The following KDM4B variants were observed in gnomAD, a reference collection of about 807,000 sequenced individuals.
KDM4B encodes lysine-specific demethylase 4B.
In KDM4B, 32 loss-of-function variants were observed where a neutral mutation model predicts 125.2. The observed-to-expected ratio is 0.26, with a 90% confidence interval of 0.19 to 0.34. The LOEUF is 0.34. KDM4B is among the 10% of genes least tolerant of loss of function. The pLI is 1.00. For missense variants in KDM4B, 1,190 were observed against 1,577.7 expected (o/e 0.75, Z 4.16); for synonymous variants, 721 against 677.9 (o/e 1.06, Z -0.99).
intron 11 of KDM4B, among the ~76,000 whole-genome samples, chr19:5,127,298 A>G (rs1001515222): frequency 6.6e-6 from 1 of 152,136 alleles, no homozygotes; most frequent in Non-Finnish European, 1.5e-5. Context: ...CAGAGCCCCA[A>G]GGAATGGCCC....
chr19:5,106,178 G>A (rs2039029652), intron 9 of KDM4B, among the ~76,000 whole-genome samples: 1 of 152,196 alleles, frequency 6.6e-6, no homozygotes, highest in Non-Finnish European at 1.5e-5. Flanking sequence ...CATCTTGCCA[G>A]CGCACACCTC....
rs1017370971 is a variant in KDM4B at position 5,133,866 on chromosome 19, C to T, written c.1907-17C>T. 3 of 1,610,680 alleles carry T rather than the reference C, an allele frequency of 1.9e-6. No homozygotes were observed. The highest frequency in any genetic ancestry group is 2.5e-6 in the Non-Finnish European group (3 of 1,178,802). On this transcript the variant is annotated splice_polypyrimidine_tract_variant and intron_variant, in intron 13 of 22. Transcript: ENST00000159111. ...GGGGCTCAAGTGTCTCTCTCCCTCT[C>T]CCCTCTGTTCTTCTAGAGGCATCCC...
intron 9 of KDM4B, among the ~76,000 whole-genome samples, chr19:5,108,544 G>A (rs1018388451): frequency 2.6e-5 from 4 of 152,172 alleles, no homozygotes; most frequent in African/African-American, 9.6e-5. Context: ...CCCCAACCCC[G>A]TCAGATTTGG....
At chr19:5,150,826 C>T (rs113376295) in intron 22 of KDM4B, among the ~76,000 whole-genome samples, 23 of 152,184 alleles carry the variant, frequency 1.5e-4, no homozygotes, top group East Asian at 5.8e-4. Context: ...GGGGTACAGG[C>T]GAAGTACGGG....
At chr19:5,006,083 A>C (rs1267860702) in intron 1 of KDM4B, among the ~76,000 whole-genome samples, 1 of 152,046 alleles carries the variant, frequency 6.6e-6, no homozygotes, top group Non-Finnish European at 1.5e-5. Context: ...GACAGAGAAG[A>C]AGGATGGGGG....
chr19:5,125,383 C>T (rs953753957), intron 11 of KDM4B, among the ~76,000 whole-genome samples: 6 of 152,146 alleles, frequency 3.9e-5, no homozygotes, highest in African/African-American at 1.2e-4. Context: ...CCTCCCCATG[C>T]GTGGTCCTGG....
In KDM4B at chr19:5,151,365, G is replaced by A. The variant is rs202201915; in HGVS notation, c.3145G>A (p.Ala1049Thr). The change falls in exon 23 of 23, where the codon GCC becomes ACC. Residue 1049 changes from alanine (A) to threonine (T), a missense_variant. Around this residue, in one of 7 missense-constraint regions of KDM4B, gnomAD observed 109 missense variants for 93.8 expected, o/e 1.16. Coordinates refer to ENST00000159111, the MANE Select transcript of KDM4B (RefSeq NM_015015.3). The stretch of plus-strand genomic sequence containing the variant: ...GAGCACGGGGGCACCGCAGGAGCCC[G>A]CCTTCTCGGGGGAGGAGGCCAAGGC... ...SLSTGAPQEP[A>T]FSGEEAKAAK... is the part of the protein sequence containing the mutation. The A allele has an allele frequency of 1.3e-5, 21 of 1,584,032 alleles. No individual in the cohort carries two copies. Among genetic ancestry groups the A allele is most frequent in the East Asian group, 1.2e-4 (5 of 42,784 alleles).
chr19:5,141,669 G>T lies in KDM4B; in HGVS notation c.2551-2298G>T, dbSNP rs561924978. On this transcript the variant is annotated intron_variant, in intron 18 of 22. Coordinates refer to ENST00000159111, the MANE Select transcript of KDM4B (RefSeq NM_015015.3). The surrounding 1 kb of genome is among the most constrained non-coding windows in gnomAD (Gnocchi z 6.4). ...GTCTCCAGGACTTCTCCAGCCACCG[G>T]CTCAGGGCTCCAGGCAGTCCTGGTG... Among the ~76,000 whole-genome samples the T allele has an allele frequency of 2.0e-5, 3 of 152,182 alleles. No individual in the cohort carries two copies. The highest frequency in any genetic ancestry group is 4.4e-5 in the Non-Finnish European group (3 of 68,042).
chr19:5,067,807 C>T (rs2037821372), intron 6 of KDM4B, among the ~76,000 whole-genome samples: 1 of 152,152 alleles, frequency 6.6e-6, no homozygotes, highest in African/African-American at 2.4e-5. Flanking sequence ...GTCCAGAAAG[C>T]ATGCAAGACC....
chr19:5,137,207 G>A lies in KDM4B; in HGVS notation c.2309-55G>A, dbSNP rs184875771. 82 of 1,396,576 alleles carry A rather than the reference G, an allele frequency of 5.9e-5. No homozygotes were observed. The Admixed American group carries it at 1.2e-3, about 20-fold the overall frequency. 86.5% of individuals were successfully genotyped at this position (1,396,576 alleles called of 1,614,324 possible). Reference sequence around the variant, plus strand: ...GGCCCCTCCCCCTGAGTTTCACTCGGCTCCCCAAGTCTCACCTGCCCCCCA... The same window carrying A: ...GGCCCCTCCCCCTGAGTTTCACTCGACTCCCCAAGTCTCACCTGCCCCCCA... On this transcript the variant is annotated intron_variant, in intron 15 of 22. Transcript: ENST00000159111.
chr19:5,148,576 G>A (rs920939709), intron 21 of KDM4B, among the ~76,000 whole-genome samples: 10 of 152,320 alleles, frequency 6.6e-5, no homozygotes, highest in East Asian at 1.9e-4. Flanking sequence ...AGTCGGGGCC[G>A]GGGAGCTGGG....
intron 10 of KDM4B, among the ~76,000 whole-genome samples, 173 bp downstream of exon 10, chr19:5,110,991 C>T (rs2039132990): frequency 6.6e-6 from 1 of 152,230 alleles, no homozygotes; most frequent in Non-Finnish European, 1.5e-5. Context: ...TCTGTTTCTC[C>T]TCCAGTCTGA....
intron 13 of KDM4B, 103 bp from the exon 14 acceptor site, chr19:5,133,780 G>C (rs911309777): frequency 1.0e-4 from 128 of 1,239,824 alleles, no homozygotes; most frequent in Admixed American, 1.5e-4. Context: ...TGGGCAGCCA[G>C]GGCTGTAGAC....
chr19:5,030,561 G>A (rs1477815722), intron 2 of KDM4B, among the ~76,000 whole-genome samples: 1 of 152,248 alleles, frequency 6.6e-6, no homozygotes, highest in Non-Finnish European at 1.5e-5. Context: ...AAGAGGCCAT[G>A]TGTGCACCGG....
chr19:5,054,070 A>G (rs1203810407), intron 6 of KDM4B, among the ~76,000 whole-genome samples: 1 of 152,236 alleles, frequency 6.6e-6, no homozygotes. Context: ...CTCAGTGACC[A>G]GCTCAGCTCT....
At chr19:5,077,736 A>T (rs894571471) in intron 8 of KDM4B, 1 of 454,900 alleles carries the variant, frequency 2.2e-6, no homozygotes, top group African/African-American at 2.0e-5. Context: ...TGTGGCCATC[A>T]GAGGCCCCTC....
chr19:4,974,504 C>T (rs542092065), intron 1 of KDM4B, among the ~76,000 whole-genome samples: 10 of 151,580 alleles, frequency 6.6e-5, no homozygotes, highest in South Asian at 6.3e-4. Context: ...TTTGAGAGGC[C>T]GAGGCGGGAG....
chr19:5,117,044 CCCCTTGCTGTGTCTGTGCCG>C (rs1313919276), intron 10 of KDM4B, among the ~76,000 whole-genome samples: 8 of 152,156 alleles, frequency 5.3e-5, no homozygotes, highest in East Asian at 1.9e-4. Context: ...GGGCTGTGCC[CCCCTTGCTGTGTCTGTGCCG>C]CCCTTGCTGT....
chr19:5,095,965 AG>A (rs1375626499), intron 9 of KDM4B, among the ~76,000 whole-genome samples: 3 of 152,200 alleles, frequency 2.0e-5, no homozygotes, highest in African/African-American at 7.2e-5. Context: ...CGCCCCACCA[AG>A]GGGCAGGCTG....
Sources: gnomAD v4.1 joint callset for allele counts (sites outside exome capture counted in the v4.1 genomes callset) on GRCh38, gnomAD v4.1.1 for gene constraint, gnomAD v4.1.1 regional missense constraint, Gnocchi (gnomAD v3.1) non-coding constraint, MANE v1.5 for transcripts, NCBI Gene and HGNC (gene_info 2026-07-23, HGNC 2026-07-21) for gene names.